ACSF3: variants seen among roughly 807,000 people sequenced by gnomAD.
ACSF3 encodes the protein acyl-CoA synthetase family member 3, also known as malonate--CoA ligase ACSF3, mitochondrial.
Under a neutral mutation model 53.2 loss-of-function variants are expected in ACSF3, and 78 were observed. The observed-to-expected ratio is 1.47, with a 90% confidence interval of 1.22 to 1.77. ACSF3 has a LOEUF of 1.77. ACSF3 is among the 40% of genes most tolerant of loss of function. ACSF3 has a pLI of 0.00. For missense variants in ACSF3, 937 were observed against 771.1 expected (o/e 1.22, Z -2.55); for synonymous variants, 414 against 333.1 (o/e 1.24, Z -2.65).
chr16:89,118,349 C>T (rs1480292605), intron 6 of ACSF3, among the ~76,000 whole-genome samples: 1 of 149,516 alleles, frequency 6.7e-6, no homozygotes, highest in Non-Finnish European at 1.5e-5. Flanking sequence ...TAAGTAAAGT[C>T]ACCTCAGCAT....
chr16:89,134,478 T>A (rs1910009020), intron 8 of ACSF3, among the ~76,000 whole-genome samples: 1 of 152,026 alleles, frequency 6.6e-6, no homozygotes, highest in Non-Finnish European at 1.5e-5. Context: ...GGAATAGAAG[T>A]CAGCGGCGGG....
At position 89,139,115 on chromosome 16, in the gene ACSF3, A is replaced by G. The variant is rs114220342; in HGVS notation, c.1366+5853A>G. Among the ~76,000 whole-genome samples, 656 of 152,280 alleles carry G rather than the reference A, an allele frequency of 4.3e-3. 2 individuals carry two copies. The highest frequency in any genetic ancestry group is 0.015 in the African/African-American group (620 of 41,552). ...CTCAGTCCCGTATGGCATCTGCACT[A>G]TTGAGACTATGGAGTCGCCGCTGAG... On this transcript the variant is annotated intron_variant, in intron 8 of 10. Coordinates refer to ENST00000614302, the MANE Select transcript of ACSF3 (RefSeq NM_001243279.3).
chr16:89,141,103 G>C, intron 8 of ACSF3: 1 of 1,287,112 alleles, frequency 7.8e-7, no homozygotes, highest in South Asian at 1.2e-5. Context: ...TGAACCTTCT[G>C]AGTCGCCCTC....
At position 89,098,541 on chromosome 16, in the gene ACSF3, G is replaced by A. The variant is rs375918363; in HGVS notation, c.-193-50G>A. 1.0e-4 allele frequency: 42 copies of A among 408,248 alleles called. No homozygotes were observed. The East Asian group carries it at 2.6e-3, about 25-fold the overall frequency. The allele number at this position is 408,248 out of a possible 1,614,324, so 25.3% of individuals were successfully genotyped here. A position where few individuals can be genotyped will look rare whatever the true frequency, so the allele number is the denominator to read the frequency against. Reference sequence around the variant, plus strand: ...TGAGTGTTGAGTGTTGTGCCTGTGGGAAGCGTTATACACACAGCCTGGGAC... The same window carrying A: ...TGAGTGTTGAGTGTTGTGCCTGTGGAAAGCGTTATACACACAGCCTGGGAC... On this transcript the variant is annotated intron_variant, in intron 1 of 10. Transcript: ENST00000614302.
chr16:89,155,427 C>T lies in ACSF3; in HGVS notation c.*1220C>T, dbSNP rs1047722266. ...GGACAGTTGGACGTGGCCTGGGGCC[C>T]CTGCTCACTTGAGCATGTCGCCCAC... On this transcript the variant is annotated 3_prime_UTR_variant, in exon 11 of 11. Coordinates refer to ENST00000614302, the MANE Select transcript of ACSF3 (RefSeq NM_001243279.3). The T allele has an allele frequency of 4.4e-6, 2 of 454,044 alleles. No homozygotes were observed. Among genetic ancestry groups the T allele is most frequent in the Non-Finnish European group, 8.8e-6 (2 of 226,804 alleles). The allele number at this position is 454,044 out of a possible 1,614,324, so 28.1% of individuals were successfully genotyped here. A position where few individuals can be genotyped will look rare whatever the true frequency, so the allele number is the denominator to read the frequency against.
chr16:89,116,003 A>G (rs371082885), intron 6 of ACSF3, among the ~76,000 whole-genome samples: 2 of 152,240 alleles, frequency 1.3e-5, no homozygotes, highest in South Asian at 2.1e-4. Context: ...CGGTTTATCA[A>G]TTTGTTTTGT....
intron 4 of ACSF3, among the ~76,000 whole-genome samples, chr16:89,104,037 C>T (rs1975683257): frequency 6.6e-6 from 1 of 152,144 alleles, no homozygotes; most frequent in Non-Finnish European, 1.5e-5. Flanking sequence ...GTTGCTGTGG[C>T]CCTGTGTGCA....
intron 8 of ACSF3, among the ~76,000 whole-genome samples, chr16:89,143,834 G>C (rs1448975460): frequency 5.3e-5 from 8 of 152,174 alleles, no homozygotes; most frequent in Non-Finnish European, 2.9e-5. Flanking sequence ...CATCCGTCTT[G>C]TTTAATAGAC....
chr16:89,129,786 G>A (rs1179440023), intron 7 of ACSF3, among the ~76,000 whole-genome samples: 1 of 151,870 alleles, frequency 6.6e-6, no homozygotes, highest in Non-Finnish European at 1.5e-5. Flanking sequence ...AGTTTTTTTA[G>A]TAGTAGTTCC....
At chr16:89,141,183 T>C in intron 8 of ACSF3, 2 of 1,287,226 alleles carry the variant, frequency 1.6e-6, no homozygotes, top group South Asian at 1.2e-5. Context: ...GTTTAAACCC[T>C]GGCTCCGATG....
intron 7 of ACSF3, among the ~76,000 whole-genome samples, chr16:89,128,370 C>T (rs902127426): frequency 1.3e-5 from 2 of 151,758 alleles, no homozygotes; most frequent in Non-Finnish European, 2.9e-5. Context: ...AAGCAATTCT[C>T]CTGCCTCAGC....
At chr16:89,149,181 A>AT (rs1230795936) in intron 10 of ACSF3, 1 of 152,190 alleles carries the variant, frequency 6.6e-6, no homozygotes, top group Non-Finnish European at 1.5e-5. Flanking sequence ...CGCTATTAGC[A>AT]TTTTAGTCAC....
intron 7 of ACSF3, among the ~76,000 whole-genome samples, chr16:89,128,418 G>A (rs1002090729): frequency 3.0e-4 from 46 of 151,646 alleles, no homozygotes; most frequent in Admixed American, 2.8e-3. Flanking sequence ...GCGCCACCAC[G>A]CCCAGCTAAT....
Position 89,131,512 on chromosome 16 carries a change from G to T in ACSF3, c.1240-1624G>T, listed in dbSNP as rs767791973. 6.6e-5 allele frequency among the ~76,000 whole-genome samples: 10 copies of T among 152,026 alleles called. No individual in the cohort carries two copies. The East Asian group carries it at 1.2e-3, about 18-fold the overall frequency. On this transcript the variant is annotated intron_variant, in intron 7 of 10. Coordinates refer to ENST00000614302, the MANE Select transcript of ACSF3 (RefSeq NM_001243279.3). ...TTCTATATGAGTTGCTATTTTTCTG[G>T]TTTTTTCCCGTGTTGAGTAACTTTG...
chr16:89,141,041 T>A, intron 8 of ACSF3: 1 of 1,256,410 alleles, frequency 8.0e-7, no homozygotes, highest in Non-Finnish European at 1.0e-6. Context: ...AAAGGTTATT[T>A]AACTTGTTTG....
intron 10 of ACSF3, chr16:89,150,708 A>T: frequency 3.1e-6 from 1 of 321,046 alleles, no homozygotes; most frequent in South Asian, 2.7e-5. Context: ...GCCACCAGCC[A>T]TGCGGTCACA....
chr16:89,095,516 C>G (rs757589191), intron 1 of ACSF3, among the ~76,000 whole-genome samples: 4 of 151,150 alleles, frequency 2.6e-5, no homozygotes, highest in Admixed American at 1.3e-4. Flanking sequence ...CCCCGCAGGC[C>G]GAGCACAGCC....
chr16:89,124,563 G>A (rs1005885240), intron 7 of ACSF3, among the ~76,000 whole-genome samples: 10 of 18,260 alleles, frequency 5.5e-4, no homozygotes, highest in African/African-American at 1.2e-3. Context: ...GTATGTGTGT[G>A]AGATACCCAT....
chr16:89,138,970 G>C (rs998825728), intron 8 of ACSF3, among the ~76,000 whole-genome samples: 1 of 152,182 alleles, frequency 6.6e-6, no homozygotes, highest in Non-Finnish European at 1.5e-5. Flanking sequence ...CAGACTCGCC[G>C]GCTGCTGCTT....
Sources: gnomAD v4.1 joint callset for allele counts (sites outside exome capture counted in the v4.1 genomes callset) on GRCh38, gnomAD v4.1.1 for gene constraint, MANE v1.5 for transcripts, NCBI Gene and HGNC (gene_info 2026-07-23, HGNC 2026-07-21) for gene names.